WDR5B: variants seen among roughly 807,000 people sequenced by gnomAD.
WDR5B encodes WD repeat-containing protein 5B.
WDR5B carries 17 observed loss-of-function variants against 24.0 expected under a neutral mutation model. The ratio of observed to expected loss-of-function variants is 0.71; its 90% CI spans 0.49 to 1.06. WDR5B has a LOEUF of 1.06. Ranked by LOEUF, WDR5B falls within the 50% of genes least tolerant of loss-of-function variation. WDR5B has a pLI of 0.00. For synonymous variants in WDR5B, 150 were observed against 146.4 expected (o/e 1.02, Z -0.18); for missense variants, 368 against 384.1 (o/e 0.96, Z 0.35).
rs996723527 is a variant in WDR5B at position 122,413,910 on chromosome 3, T to C, written c.*626A>G. 3 of 152,544 alleles carry C rather than the reference T, an allele frequency of 2.0e-5. No homozygotes were observed. Among genetic ancestry groups the C allele is most frequent in the Non-Finnish European group, 4.4e-5 (3 of 68,426 alleles). The allele number at this position is 152,544 out of a possible 1,614,324, so 9.4% of individuals were successfully genotyped here. On this transcript the variant is annotated 3_prime_UTR_variant, in exon 1 of 1. Coordinates refer to ENST00000330689, the MANE Select transcript of WDR5B (RefSeq NM_019069.4). ...AAAGAAAATGTGGTGTATATACTTA[T>C]ATACATATCCAGATGACTGGATAAT...
At position 122,415,952 on chromosome 3, in the gene WDR5B, T is replaced by C. The variant is rs2075733119; in HGVS notation, c.-424A>G. On this transcript the variant is annotated 5_prime_UTR_variant, in exon 1 of 1. Coordinates refer to ENST00000330689, the MANE Select transcript of WDR5B (RefSeq NM_019069.4). Reference sequence around the variant, plus strand: ...ACCAGTCAGGCTAGGTACTTGAAGATGAATGAACCGCCGCTTTTAGCGGAT... The same window carrying C: ...ACCAGTCAGGCTAGGTACTTGAAGACGAATGAACCGCCGCTTTTAGCGGAT... 1 of 173,230 alleles carries C rather than the reference T, an allele frequency of 5.8e-6. No individual in the cohort carries two copies. Among genetic ancestry groups the C allele is most frequent in the Admixed American group, 6.4e-5 (1 of 15,536 alleles). 10.7% of individuals were successfully genotyped at this position (173,230 alleles called of 1,614,324 possible).
rs1486330806 is a variant in WDR5B, at chr3:122,415,232, A to ATT, written c.296_297insAA (p.Ser100IlefsTer9). 8 of 1,614,152 alleles carry ATT rather than the reference A, an allele frequency of 5.0e-6. No homozygotes were observed. Among genetic ancestry groups the ATT allele is most frequent in the Admixed American group, 1.7e-5 (1 of 60,004 alleles). ...TTAGAGTTTTATCATCTGAGGCAGAAACAAGACGACTGGAATCTGATGACC... is the reference window on the plus strand; with the variant it reads ...TTAGAGTTTTATCATCTGAGGCAGAATTACAAGACGACTGGAATCTGATGACC... On this transcript the variant is annotated frameshift_variant, in exon 1 of 1. Transcript: ENST00000330689. LOFTEE classifies it high-confidence loss of function.
In WDR5B at chr3:122,413,679, G is replaced by A. The variant is rs975336649; in HGVS notation, c.*857C>T. 2.0e-5 allele frequency: 3 copies of A among 152,090 alleles called. No individual in the cohort carries two copies. Among genetic ancestry groups the A allele is most frequent in the Admixed American group, 2.0e-4 (3 of 15,278 alleles). 9.4% of individuals were successfully genotyped at this position (152,090 alleles called of 1,614,324 possible). A position where few individuals can be genotyped will look rare whatever the true frequency, so the allele number is the denominator to read the frequency against. On this transcript the variant is annotated 3_prime_UTR_variant, in exon 1 of 1. Coordinates refer to ENST00000330689, the MANE Select transcript of WDR5B (RefSeq NM_019069.4). ...AGGAATGTACATTTTACAACCTCTGGAAAACAGTATGGAGATTTTCCAACT... is the reference window on the plus strand; with the variant it reads ...AGGAATGTACATTTTACAACCTCTGAAAAACAGTATGGAGATTTTCCAACT...
In WDR5B at chr3:122,414,962, G is replaced by A; in HGVS notation, c.567C>T (p.Gly189=). The change falls in exon 1 of 1, where the codon GGC becomes GGT. Residue 189 remains glycine, a synonymous_variant. Transcript: ENST00000330689. ...GSLIVSGSYD[G]LCRIWDAASG... ...ATGCAGCATCCCAGATTCTACAGAG[G>A]CCATCATAGCTACCTGACACTATCA... 2 of 1,614,124 alleles carry A rather than the reference G, an allele frequency of 1.2e-6. No individual in the cohort carries two copies. The highest frequency in any genetic ancestry group is 1.7e-6 in the Non-Finnish European group (2 of 1,180,026).
chr3:122,415,529 G>A lies in WDR5B; in HGVS notation c.-1C>T, dbSNP rs766648482. The A allele has an allele frequency of 1.2e-6, 2 of 1,606,188 alleles. No homozygotes were observed. The highest frequency in any genetic ancestry group is 1.7e-5 in the Admixed American group (1 of 59,032). ...CGTCTCTTGACTCCTTGGTTGCCAT[G>A]GCTCTGAAGCTCCAAGTTAGCAGGT... On this transcript the variant is annotated 5_prime_UTR_variant, in exon 1 of 1. Coordinates refer to ENST00000330689, the MANE Select transcript of WDR5B (RefSeq NM_019069.4).
Position 122,412,517 on chromosome 3 carries a change from T to A in WDR5B, c.*2019A>T, listed in dbSNP as rs1450777165. The A allele has an allele frequency of 2.6e-5, 4 of 152,316 alleles. No homozygotes were observed. Among genetic ancestry groups the A allele is most frequent in the East Asian group, 3.9e-4 (2 of 5,190 alleles). The allele number at this position is 152,316 out of a possible 1,614,324, so 9.4% of individuals were successfully genotyped here. On this transcript the variant is annotated 3_prime_UTR_variant, in exon 1 of 1. Coordinates refer to ENST00000330689, the MANE Select transcript of WDR5B (RefSeq NM_019069.4). ...ATACTTCCTGATTCCACAGAACTCA[T>A]AATCTGGAAGCACAGCCCATGAAAG...
chr3:122,412,856 T>G lies in WDR5B; in HGVS notation c.*1680A>C, dbSNP rs528428174. On this transcript the variant is annotated 3_prime_UTR_variant, in exon 1 of 1. Transcript: ENST00000330689. Reference sequence around the variant, plus strand: ...GAATGAACCTAACCTTGGCGTATTTTTCCGGTTTTTTTCTATGGACCATTT... The same window carrying G: ...GAATGAACCTAACCTTGGCGTATTTGTCCGGTTTTTTTCTATGGACCATTT... The G allele has an allele frequency of 6.6e-6, 1 of 152,328 alleles. No individual in the cohort carries two copies. Among genetic ancestry groups the G allele is most frequent in the South Asian group, 2.1e-4 (1 of 4,826 alleles). 9.4% of individuals were successfully genotyped at this position (152,328 alleles called of 1,614,324 possible). A position where few individuals can be genotyped will look rare whatever the true frequency, so the allele number is the denominator to read the frequency against.
Position 122,414,777 on chromosome 3 carries a change from T to G in WDR5B, c.752A>C (p.His251Pro), listed in dbSNP as rs1327262927. The change falls in exon 1 of 1, where the codon CAT becomes CCT. Residue 251 changes from histidine (H) to proline (P), a missense_variant. Coordinates refer to ENST00000330689, the MANE Select transcript of WDR5B (RefSeq NM_019069.4). ...AAATATGCAATATTTCTCATTCTTA[T>G]GACCAGTGTATGTTTTCAGGCACCT... ...RGRCLKTYTG[H>P]KNEKYCIFAN... 2 of 1,614,198 alleles carry G rather than the reference T, an allele frequency of 1.2e-6. No individual in the cohort carries two copies. The highest frequency in any genetic ancestry group is 1.7e-6 in the Non-Finnish European group (2 of 1,180,038).
At position 122,414,718 on chromosome 3, in the gene WDR5B, CAA is replaced by C. The variant is rs1422490722; in HGVS notation, c.809_810del (p.Ile270SerfsTer7). On this transcript the variant is annotated frameshift_variant, in exon 1 of 1. Transcript: ENST00000330689. LOFTEE classifies it high-confidence loss of function. The stretch of plus-strand genomic sequence containing the variant: ...ACCAGGTTATCCTCGGAACCAGACA[CAA>C]TCCACTTTCCACCAGTAACTGAAAA... ...ANFSVTGGKW[I>X]VSGSEDNLVY... is the part of the protein sequence containing the mutation. 1.9e-6 allele frequency: 3 copies of C among 1,614,066 alleles called. No individual in the cohort carries two copies.
At position 122,415,610 on chromosome 3, in the gene WDR5B, C is replaced by G; in HGVS notation, c.-82G>C. The G allele has an allele frequency of 6.7e-7, 1 of 1,488,522 alleles. No homozygotes were observed. Among genetic ancestry groups the G allele is most frequent in the African/African-American group, 1.4e-5 (1 of 71,152 alleles). 92.2% of individuals were successfully genotyped at this position (1,488,522 alleles called of 1,614,324 possible). A position where few individuals can be genotyped will look rare whatever the true frequency, so the allele number is the denominator to read the frequency against. Reference sequence around the variant, plus strand: ...TCCAGTACTTTGGCTTTCTGCCCAGCAAAATGAAGATAAACGCACAGGATT... The same window carrying G: ...TCCAGTACTTTGGCTTTCTGCCCAGGAAAATGAAGATAAACGCACAGGATT... On this transcript the variant is annotated 5_prime_UTR_variant, in exon 1 of 1. Coordinates refer to ENST00000330689, the MANE Select transcript of WDR5B (RefSeq NM_019069.4).
In WDR5B at chr3:122,415,337, T is replaced by C. The variant is rs1226061211; in HGVS notation, c.192A>G (p.Leu64=). 11 of 1,614,134 alleles carry C rather than the reference T, an allele frequency of 6.8e-6. No homozygotes were observed. The South Asian group carries it at 9.9e-5, about 14-fold the overall frequency. ...EWLASSSADR[L]IIIWGAYDGK... is the part of the protein sequence containing the mutation. ...CATCATATGCTCCCCAAATTATGATTAGCCTATCAGCAGAAGAACTTGCTA... is the reference window on the plus strand; with the variant it reads ...CATCATATGCTCCCCAAATTATGATCAGCCTATCAGCAGAAGAACTTGCTA... The change falls in exon 1 of 1, where the codon CTA becomes CTG. Residue 64 remains leucine, a synonymous_variant. Coordinates refer to ENST00000330689, the MANE Select transcript of WDR5B (RefSeq NM_019069.4).
rs2075711837 is a variant in WDR5B at position 122,412,848 on chromosome 3, G to GC, written c.*1687dup. On this transcript the variant is annotated 3_prime_UTR_variant, in exon 1 of 1. Coordinates refer to ENST00000330689, the MANE Select transcript of WDR5B (RefSeq NM_019069.4). ...GACTCTTAGAATGAACCTAACCTTG[G>GC]CGTATTTTTCCGGTTTTTTTCTATG... The GC allele has an allele frequency of 6.6e-6, 1 of 152,044 alleles. No homozygotes were observed. The highest frequency in any genetic ancestry group is 1.5e-5 in the Non-Finnish European group (1 of 68,030). The allele number at this position is 152,044 out of a possible 1,614,324, so 9.4% of individuals were successfully genotyped here.
At position 122,414,897 on chromosome 3, in the gene WDR5B, G is replaced by A. The variant is rs777374812; in HGVS notation, c.632C>T (p.Pro211Leu). Residue 211 changes from proline (P) to leucine (L), a missense_variant, in exon 1 of 1, where the codon CCT (proline) becomes CTT (leucine). Transcript: ENST00000330689. The stretch of plus-strand genomic sequence containing the variant: ...AGAAAATTTTACAAAAGAGACAGGA[G>A]GGTTATCGTCATCAACGAGCGTTTT... ...CLKTLVDDDN[P>L]PVSFVKFSPN... is the part of the protein sequence containing the mutation. 7 of 1,614,058 alleles carry A rather than the reference G, an allele frequency of 4.3e-6. No individual in the cohort carries two copies. Among genetic ancestry groups the A allele is most frequent in the South Asian group, 2.2e-5 (2 of 91,084 alleles).
chr3:122,414,886 A>G lies in WDR5B; in HGVS notation c.643T>C (p.Phe215Leu), dbSNP rs1560005473. 6.2e-7 allele frequency: 1 copy of G among 1,614,108 alleles called. No homozygotes were observed. The highest frequency in any genetic ancestry group is 1.3e-5 in the African/African-American group (1 of 74,942). Residue 215 changes from phenylalanine to leucine, a missense_variant, in exon 1 of 1, where the codon TTT becomes CTT. By Grantham distance (22) the Phe-to-Leu change is conservative. Coordinates refer to ENST00000330689, the MANE Select transcript of WDR5B (RefSeq NM_019069.4). ...LVDDDNPPVS[F>L]VKFSPNGKYI... ...TTACCATTTGGAGAAAATTTTACAA[A>G]AGAGACAGGAGGGTTATCGTCATCA...
Position 122,414,798 on chromosome 3 carries a change from C to T in WDR5B, c.731G>A (p.Cys244Tyr). 6.2e-7 allele frequency: 1 copy of T among 1,614,184 alleles called. No individual in the cohort carries two copies. Among genetic ancestry groups the T allele is most frequent in the Non-Finnish European group, 8.5e-7 (1 of 1,180,042 alleles). ...LKLWDYSRGR[C>Y]LKTYTGHKNE... ...CTTATGACCAGTGTATGTTTTCAGG[C>T]ACCTGCCTCTGCTATAATCCCATAG... Residue 244 changes from cysteine (C) to tyrosine (Y), a missense_variant, in exon 1 of 1, where the codon TGC (cysteine) becomes TAC (tyrosine). Cys to Tyr is a radical substitution (Grantham distance 194, BLOSUM62 -2). Transcript: ENST00000330689.
In WDR5B at chr3:122,414,072, C is replaced by G. The variant is rs1037622091; in HGVS notation, c.*464G>C. The G allele has an allele frequency of 6.2e-6, 1 of 161,468 alleles. No individual in the cohort carries two copies. The highest frequency in any genetic ancestry group is 2.4e-5 in the African/African-American group (1 of 41,288). 10.0% of individuals were successfully genotyped at this position (161,468 alleles called of 1,614,324 possible). ...CAACAACATGGATGGACCTGGAGGC[C>G]ATTAAGTGAAGTAATGATACAGAAA... On this transcript the variant is annotated 3_prime_UTR_variant, in exon 1 of 1. Transcript: ENST00000330689.
chr3:122,415,553 G>T lies in WDR5B; in HGVS notation c.-25C>A. The T allele has an allele frequency of 6.3e-7, 1 of 1,592,466 alleles. No homozygotes were observed. The highest frequency in any genetic ancestry group is 8.6e-7 in the Non-Finnish European group (1 of 1,169,576). On this transcript the variant is annotated 5_prime_UTR_variant, in exon 1 of 1. Transcript: ENST00000330689. ...TGGCTCTGAAGCTCCAAGTTAGCAG[G>T]TGTACTAGGCGTTCAGCCCTGAACC...
rs1174296134 is a variant in WDR5B, at chr3:122,415,314, T to C, written c.215A>G (p.Asp72Gly). ...DRLIIIWGAYDGKYEKTLYGH... is the reference protein window; with the variant it reads ...DRLIIIWGAYGGKYEKTLYGH... ...ATAGAGTGTTTTCTCATATTTTCCATCATATGCTCCCCAAATTATGATTAG... is the reference window on the plus strand; with the variant it reads ...ATAGAGTGTTTTCTCATATTTTCCACCATATGCTCCCCAAATTATGATTAG... The change falls in exon 1 of 1, where the codon GAT becomes GGT. Residue 72 changes from aspartate (D) to glycine (G), a missense_variant. Coordinates refer to ENST00000330689, the MANE Select transcript of WDR5B (RefSeq NM_019069.4). The C allele has an allele frequency of 6.2e-7, 1 of 1,614,152 alleles. No homozygotes were observed. Among genetic ancestry groups the C allele is most frequent in the Non-Finnish European group, 8.5e-7 (1 of 1,180,066 alleles).
Position 122,413,741 on chromosome 3 carries a change from G to A in WDR5B, c.*795C>T, listed in dbSNP as rs1005978996. 2 of 152,100 alleles carry A rather than the reference G, an allele frequency of 1.3e-5. No individual in the cohort carries two copies. The highest frequency in any genetic ancestry group is 2.4e-5 in the African/African-American group (1 of 41,400). The allele number at this position is 152,100 out of a possible 1,614,324, so 9.4% of individuals were successfully genotyped here. A position where few individuals can be genotyped will look rare whatever the true frequency, so the allele number is the denominator to read the frequency against. ...TTCGATCCAGCAATCCCACTAGTAGGTATCTACCCAAAGGAAATTATATTT... is the reference window on the plus strand; with the variant it reads ...TTCGATCCAGCAATCCCACTAGTAGATATCTACCCAAAGGAAATTATATTT... On this transcript the variant is annotated 3_prime_UTR_variant, in exon 1 of 1. Transcript: ENST00000330689.
Sources: allele counts gnomAD v4.1 joint callset, GRCh38; gene constraint gnomAD v4.1.1; transcripts MANE v1.5; gene names NCBI Gene and HGNC (gene_info 2026-07-23, HGNC 2026-07-21).